Variants in TCF7 observed in about 807,000 individuals in gnomAD.
TCF7 encodes transcription factor 7.
Under a neutral mutation model 46.8 loss-of-function variants are expected in TCF7, and 19 were observed. That is an observed-to-expected ratio of 0.41 (90% CI 0.28 to 0.60). The LOEUF is 0.60. Among genes scored for constraint, TCF7 ranks in the 20% least tolerant of loss-of-function variants. TCF7 has a pLI of 0.35. For synonymous variants in TCF7, 245 were observed against 213.4 expected, an observed-to-expected ratio of 1.15 and a Z score of -1.29; for missense variants, 547 against 504.6, an observed-to-expected ratio of 1.08 and a Z score of -0.81.
At chr5:134,145,982 C>T (rs952678415) in intron 9 of TCF7, 7 of 1,472,718 alleles carry the variant, frequency 4.8e-6, no homozygotes, top group Non-Finnish European at 6.2e-6. Flanking sequence ...CAGATGACAG[C>T]CCATAGGCCT....
In TCF7 at chr5:134,143,066, A is replaced by G; in HGVS notation, c.992A>G (p.Gln331Arg). The G allele has an allele frequency of 2.5e-6, 4 of 1,610,358 alleles. No homozygotes were observed. In the African/African-American group the frequency reaches 4.0e-5, roughly 16 times the overall value. ...LARKERQLHM[Q>R]LYPGWSARDN... is the part of the protein sequence containing the mutation. The stretch of plus-strand genomic sequence containing the variant: ...CGCAAGGAGAGGCAGCTGCACATGC[A>G]GCTATACCCAGGCTGGTCAGCGCGG... The change falls in exon 8 of 10, where the codon CAG (glutamine) becomes CGG (arginine). Residue 331 changes from glutamine to arginine, a missense_variant. By Grantham distance (43) the Gln-to-Arg change is conservative. Transcript: ENST00000342854.
chr5:134,123,609 C>A, intron 3 of TCF7: 1 of 444,898 alleles, frequency 2.2e-6, no homozygotes, highest in Non-Finnish European at 4.5e-6. Context: ...GCTCCATCAG[C>A]AGAGGGGCAG....
At chr5:134,127,447 A>G (rs150343910) in intron 3 of TCF7, among the ~76,000 whole-genome samples, 29 of 152,354 alleles carry the variant, frequency 1.9e-4, no homozygotes, top group Admixed American at 1.4e-3. Flanking sequence ...CTACAGGTGG[A>G]TCACTTCCTC....
chr5:134,126,735 A>G (rs1312412041), intron 3 of TCF7, among the ~76,000 whole-genome samples: 1 of 152,118 alleles, frequency 6.6e-6, no homozygotes, highest in Non-Finnish European at 1.5e-5. Flanking sequence ...CGTCTCTACT[A>G]AAAATACAAA....
In TCF7 at chr5:134,146,382, G is replaced by C; in HGVS notation, c.*79G>C. ...CGCTTCCCCACAGAACTGCTTACTA[G>C]CCCTGCGGAGCCGGCACCTACATCC... On this transcript the variant is annotated 3_prime_UTR_variant, in exon 10 of 10. Transcript: ENST00000342854. 6.4e-7 allele frequency: 1 copy of C among 1,554,032 alleles called. No homozygotes were observed. The highest frequency in any genetic ancestry group is 8.9e-7 in the Non-Finnish European group (1 of 1,125,320).
intron 3 of TCF7, among the ~76,000 whole-genome samples, chr5:134,135,250 T>G (rs1758697656): frequency 6.6e-6 from 1 of 152,210 alleles, no homozygotes; most frequent in African/African-American, 2.4e-5. Flanking sequence ...ATGAAGCCAC[T>G]GCGCCCAGCC....
At chr5:134,140,905 G>A (rs1032803062) in intron 5 of TCF7, 11 of 385,220 alleles carry the variant, frequency 2.9e-5, no homozygotes, top group Non-Finnish European at 5.2e-5. Context: ...CCCCTACACT[G>A]CAGCTAGGCT....
At chr5:134,129,794 G>A (rs1020326955) in intron 3 of TCF7, among the ~76,000 whole-genome samples, 10 of 152,216 alleles carry the variant, frequency 6.6e-5, no homozygotes, top group South Asian at 2.1e-4. Context: ...CCCCACCTCC[G>A]CTGTGGCAGG....
chr5:134,116,614 A>G (rs886130457), intron 3 of TCF7, among the ~76,000 whole-genome samples: 2 of 152,236 alleles, frequency 1.3e-5, no homozygotes, highest in Non-Finnish European at 2.9e-5. Flanking sequence ...TCTCAGACAT[A>G]CCAGGAAGGG....
chr5:134,132,741 G>A (rs994209700), intron 3 of TCF7, among the ~76,000 whole-genome samples: 1 of 148,308 alleles, frequency 6.7e-6, no homozygotes, highest in Non-Finnish European at 1.5e-5. Flanking sequence ...AAGTTGGGGG[G>A]TGCGGGTTGG....
At chr5:134,144,670 C>A in intron 9 of TCF7, 1 of 707,774 alleles carries the variant, frequency 1.4e-6, no homozygotes, top group Non-Finnish European at 2.5e-6. Context: ...CCCACTCTGC[C>A]TATGGGGGCT....
At chr5:134,120,581 C>A (rs1396478933) in intron 3 of TCF7, among the ~76,000 whole-genome samples, 2 of 152,178 alleles carry the variant, frequency 1.3e-5, no homozygotes, top group Non-Finnish European at 1.5e-5. Context: ...TCTTGCACTG[C>A]TTCCCTCCGC....
At chr5:134,115,180 C>T (rs1326455544) in intron 1 of TCF7, 25 bp downstream of exon 1, 2 of 1,063,492 alleles carry the variant, frequency 1.9e-6, no homozygotes, top group Admixed American at 1.1e-4. Context: ...GCGCCGGCTC[C>T]TCCCCCGCGG....
rs532486189 is a variant in TCF7, at chr5:134,126,763, G to A, written c.441+10730G>A. On this transcript the variant is annotated intron_variant, in intron 3 of 9. Transcript: ENST00000342854. The stretch of plus-strand genomic sequence containing the variant: ...AATACAAAAATTAGCCGGGTGCGGT[G>A]GCACACGCCTGTAATCCCAGCTGCT... Among the ~76,000 whole-genome samples, 5 of 152,310 alleles carry A rather than the reference G, an allele frequency of 3.3e-5. No homozygotes were observed. The East Asian group carries it at 9.6e-4, about 29-fold the overall frequency.
chr5:134,142,319 A>G lies in TCF7; in HGVS notation c.755+15A>G, dbSNP rs780647747. The G allele has an allele frequency of 8.9e-6, 14 of 1,566,284 alleles. No homozygotes were observed. Among genetic ancestry groups the G allele is most frequent in the East Asian group, 2.3e-5 (1 of 44,154 alleles). On this transcript the variant is annotated intron_variant, in intron 6 of 9. Transcript: ENST00000342854. ...GACCGCAACCTGTGAGTGAAAAGACAATGATGGCAGGGGGTGTGTCAGTCA... is the reference window on the plus strand; with the variant it reads ...GACCGCAACCTGTGAGTGAAAAGACGATGATGGCAGGGGGTGTGTCAGTCA...
intron 4 of TCF7, 101 bp from the exon 5 acceptor site, chr5:134,138,850 T>C (rs574644837): frequency 3.3e-6 from 5 of 1,528,442 alleles, no homozygotes; most frequent in Non-Finnish European, 4.4e-6. Flanking sequence ...GCAAAGCTGG[T>C]GGGATCTTAA....
At chr5:134,136,879 CAGG>C (rs758944096) in intron 3 of TCF7, among the ~76,000 whole-genome samples, 4 of 152,184 alleles carry the variant, frequency 2.6e-5, no homozygotes, top group Non-Finnish European at 5.9e-5. Flanking sequence ...TCCTCTGTGC[CAGG>C]AGTCAGAGAT....
At chr5:134,138,519 C>G (rs1759245322) in intron 4 of TCF7, 3 of 290,948 alleles carry the variant, frequency 1.0e-5, no homozygotes, top group Non-Finnish European at 1.3e-5. Flanking sequence ...CAGCCTCAGG[C>G]AAAGTCATTC....
intron 3 of TCF7, among the ~76,000 whole-genome samples, chr5:134,132,944 A>G (rs1364624710): frequency 1.2e-4 from 19 of 152,260 alleles, no homozygotes; most frequent in Admixed American, 1.2e-3. Flanking sequence ...CTAAGGAAAT[A>G]GTCCAGAAGG....
Sources: gnomAD v4.1 joint callset for allele counts (sites outside exome capture counted in the v4.1 genomes callset) on GRCh38, gnomAD v4.1.1 for gene constraint, MANE v1.5 for transcripts, NCBI Gene and HGNC (gene_info 2026-07-23, HGNC 2026-07-21) for gene names.